Variants in PRH1 observed in about 807,000 individuals in gnomAD.
PRH1 encodes salivary acidic proline-rich phosphoprotein 1/2.
In PRH1, 7 loss-of-function variants were observed where a neutral mutation model predicts 7.9. That is an observed-to-expected ratio of 0.89 (90% CI 0.50 to 1.67). The LOEUF is 1.67. PRH1 is among the 40% of genes most tolerant of loss of function. The pLI is 0.00. For synonymous variants in PRH1, 45 were observed against 80.8 expected, an observed-to-expected ratio of 0.56 and a Z score of 2.38; for missense variants, 109 against 223.6, an observed-to-expected ratio of 0.49 and a Z score of 3.27.
At chr12:11,168,161 T>C (rs61928616) in intron 1 of PRH1, among the ~76,000 whole-genome samples, 76,987 of 79,844 alleles carry the variant, frequency 0.96, 37,170 homozygotes, top group Middle Eastern at 1. Context: ...ATTACAATGA[T>C]GTCAAACTAT....
At chr12:10,950,051 CTT>C (rs1950545766) in intron 2 of PRH1, among the ~76,000 whole-genome samples, 1 of 151,986 alleles carries the variant, frequency 6.6e-6, no homozygotes, top group African/African-American at 2.4e-5. Context: ...TGTTCATTTT[CTT>C]TGTTATATAA....
At chr12:11,133,068 T>G (rs374028039) in intron 1 of PRH1, 6 of 421,606 alleles carry the variant, frequency 1.4e-5, no homozygotes, top group Non-Finnish European at 2.2e-5. Flanking sequence ...TTGGCAGTTT[T>G]TGTGAAAAAA....
chr12:11,130,411 C>T (rs1426338518), intron 1 of PRH1, among the ~76,000 whole-genome samples: 1 of 152,102 alleles, frequency 6.6e-6, no homozygotes, highest in African/African-American at 2.4e-5. Flanking sequence ...AAAAGAGACA[C>T]TATGTTTTGG....
rs778121119 is a variant in PRH1, at chr12:11,012,521, T to C, written c.-126+34499A>G. Among the ~76,000 whole-genome samples the C allele has an allele frequency of 3.0e-4, 46 of 152,268 alleles. 1 individual carries two copies. Among genetic ancestry groups the C allele is most frequent in the South Asian group, 1.0e-3 (5 of 4,826 alleles). On this transcript the variant is annotated intron_variant, in intron 1 of 3. Coordinates refer to the PRH1 transcript ENST00000539853. ...CGAGGATTATTAGTTATTCTTTCGA[T>C]TCTGTGTTACTTGATACTTAAAAGA...
rs1950170695 is a variant in PRH1, at chr12:10,929,442, G to A, written c.-59+44213C>T. The A allele has an allele frequency of 3.6e-6, 5 of 1,381,574 alleles. No homozygotes were observed. The African/African-American group carries it at 5.7e-5, about 16-fold the overall frequency. The allele number at this position is 1,381,574 out of a possible 1,614,324, so 85.6% of individuals were successfully genotyped here. A position where few individuals can be genotyped will look rare whatever the true frequency, so the allele number is the denominator to read the frequency against. ...AGAGAGGAGGATGAGAAAACAGATAGGACTGAAGAGTTCTCATGCCAAGGA... is the reference window on the plus strand; with the variant it reads ...AGAGAGGAGGATGAGAAAACAGATAAGACTGAAGAGTTCTCATGCCAAGGA... On this transcript the variant is annotated intron_variant, in intron 2 of 3. Transcript: ENST00000539853.
intron 2 of PRH1, among the ~76,000 whole-genome samples, chr12:10,940,421 GA>G (rs1160566814): frequency 6.6e-6 from 1 of 152,158 alleles, no homozygotes; most frequent in Non-Finnish European, 1.5e-5. Flanking sequence ...GGAGACTTTG[GA>G]AATATTTTCT....
At position 11,089,112 on chromosome 12, in the gene PRH1, A is replaced by C. The variant is rs903690068; in HGVS notation, n.124-41924T>G. On this transcript the variant is annotated intron_variant and non_coding_transcript_variant, in intron 1 of 4. Transcript: ENST00000541977. ...CACAAGGAGTGATGGTATTGGACAC[A>C]AACATGTGCTTTCTTAGATTCCCTT... 8.7e-5 allele frequency among the ~76,000 whole-genome samples: 10 copies of C among 115,470 alleles called. 3 individuals carry two copies. Among genetic ancestry groups the C allele is most frequent in the African/African-American group, 2.6e-4 (9 of 34,492 alleles). 75.8% of individuals were successfully genotyped at this position (115,470 alleles called of 152,430 possible).
intron 1 of PRH1, among the ~76,000 whole-genome samples, chr12:11,054,799 T>TC (rs1943294381): frequency 8.7e-6 from 1 of 114,386 alleles, no homozygotes; most frequent in African/African-American, 3.6e-5. Context: ...ATGTTTCTTT[T>TC]TTTTTTTTTT....
At chr12:11,014,578 C>G (rs1421312011) in intron 1 of PRH1, among the ~76,000 whole-genome samples, 3 of 152,078 alleles carry the variant, frequency 2.0e-5, no homozygotes, top group Non-Finnish European at 2.9e-5. Flanking sequence ...AAAACTGATT[C>G]CTGAGGTCAG....
upstream of PRH1, among the ~76,000 whole-genome samples, chr12:11,048,161 T>TATAGATAGATAGATAGATAGATAG (rs1555147091): frequency 3.6e-5 from 5 of 139,092 alleles, no homozygotes; most frequent in Non-Finnish European, 4.8e-5. Context: ...TGTGTGTGTG[T>TATAGATAGATAGATAGATAGATAG]ATAGATAGAT....
chr12:11,099,090 C>T (rs1015407676), intron 1 of PRH1, among the ~76,000 whole-genome samples: 5 of 152,122 alleles, frequency 3.3e-5, no homozygotes, highest in East Asian at 1.9e-4. Flanking sequence ...CCTGAGTACC[C>T]GACCCTTTGG....
intron 2 of PRH1, chr12:10,909,150 A>G: frequency 6.2e-7 from 1 of 1,614,016 alleles, no homozygotes; most frequent in Admixed American, 1.7e-5. Flanking sequence ...GATTGCCAAG[A>G]TAATGAGGAG....
intron 2 of PRH1, among the ~76,000 whole-genome samples, chr12:10,972,903 C>A (rs1938884643): frequency 6.8e-6 from 1 of 146,214 alleles, no homozygotes. Context: ...GGTAACAAGC[C>A]AATTAACACG....
intron 1 of PRH1, among the ~76,000 whole-genome samples, chr12:11,152,780 A>T (rs1947138609): frequency 6.6e-6 from 1 of 152,210 alleles, no homozygotes; most frequent in Non-Finnish European, 1.5e-5. Flanking sequence ...AGCAGAATGT[A>T]TATGAGCAGA....
chr12:10,953,060 C>A (rs1456898593), intron 2 of PRH1, among the ~76,000 whole-genome samples: 3 of 151,474 alleles, frequency 2.0e-5, no homozygotes, highest in Non-Finnish European at 4.4e-5. Context: ...CTACCAGAAA[C>A]AAACTCATTT....
chr12:11,043,093 T>C (rs1942775933), intron 1 of PRH1, among the ~76,000 whole-genome samples: 1 of 152,300 alleles, frequency 6.6e-6, no homozygotes, highest in South Asian at 2.1e-4. Context: ...TAATTCCTCA[T>C]GGCCAAGTGG....
intron 2 of PRH1, among the ~76,000 whole-genome samples, chr12:10,927,117 G>C (rs1950134050): frequency 6.6e-6 from 1 of 152,158 alleles, no homozygotes; most frequent in South Asian, 2.1e-4. Flanking sequence ...CATTGGAGAA[G>C]GTCATGGAAG....
chr12:10,907,665 A>G (rs1949825043), intron 2 of PRH1, among the ~76,000 whole-genome samples: 1 of 151,628 alleles, frequency 6.6e-6, no homozygotes, highest in South Asian at 2.1e-4. Flanking sequence ...GAGAGGGTAA[A>G]CTGCAAAGGG....
intron 1 of PRH1, among the ~76,000 whole-genome samples, chr12:11,004,116 G>A (rs1186207942): frequency 3.3e-5 from 5 of 152,012 alleles, no homozygotes; most frequent in Non-Finnish European, 7.4e-5. Context: ...TATAATCCTA[G>A]GAGCAGTGTA....
Sources: gnomAD v4.1 joint callset for allele counts (sites outside exome capture counted in the v4.1 genomes callset) on GRCh38, gnomAD v4.1.1 for gene constraint, MANE v1.5 for transcripts, NCBI Gene and HGNC (gene_info 2026-07-23, HGNC 2026-07-21) for gene names.